CFAP92: variants seen among roughly 807,000 people sequenced by gnomAD.
CFAP92 encodes the protein uncharacterized protein CFAP92.
In CFAP92, 86 loss-of-function variants were observed where a neutral mutation model predicts 106.3. The ratio of observed to expected loss-of-function variants is 0.81; its 90% CI spans 0.68 to 0.97. The LOEUF (loss-of-function observed/expected upper bound fraction) is 0.97. Ranked by LOEUF, CFAP92 falls within the 50% of genes least tolerant of loss-of-function variation. CFAP92 has a pLI of 0.00. For missense variants in CFAP92, 1,204 were observed against 1,283.8 expected (o/e 0.94, Z 0.95); for synonymous variants, 477 against 506.4 (o/e 0.94, Z 0.78).
chr3:129,001,838 C>G (rs1323088349), intron 1 of CFAP92: 1 of 1,545,590 alleles, frequency 6.5e-7, no homozygotes, highest in Non-Finnish European at 8.7e-7. Flanking sequence ...ACTGCCGCGG[C>G]GCCGGCCGTC....
chr3:128,965,748 C>T (rs72977157), intron 8 of CFAP92, 53 bp from the exon 9 acceptor site: 15,744 of 397,224 alleles, frequency 0.04, 1,280 homozygotes, highest in African/African-American at 0.22. Context: ...CCCCAAGACA[C>T]GCACAGAGGG....
the CFAP92 span, among the ~76,000 whole-genome samples, chr3:129,024,909 CGAAGA>C: frequency 3.3e-5 from 5 of 152,038 alleles, no homozygotes; most frequent in Admixed American, 3.3e-4. Flanking sequence ...GGTGGGAGAA[CGAAGA>C]ACCAGGAGGA....
rs1936080868 is a variant in CFAP92, at chr3:128,909,957, G to A, written c.*342C>T. On this transcript the variant is annotated 3_prime_UTR_variant, in exon 16 of 16. Coordinates refer to ENST00000645291, the MANE Select transcript of CFAP92 (RefSeq NM_001394090.1). ...TAAGACAGGCAAAGATGCAGCCCAG[G>A]GAGGGACCATGTGGGGGACTGGTCT... 1 of 1,598,032 alleles carries A rather than the reference G, an allele frequency of 6.3e-7. No individual in the cohort carries two copies.
intron 6 of CFAP92, among the ~76,000 whole-genome samples, chr3:128,976,398 A>C (rs1005293373): frequency 2.6e-5 from 4 of 152,202 alleles, no homozygotes; most frequent in Non-Finnish European, 2.9e-5. Flanking sequence ...TAAAAATGTC[A>C]ATTCTTCCCA....
chr3:129,014,454 TC>T, the CFAP92 span, among the ~76,000 whole-genome samples: 2 of 152,232 alleles, frequency 1.3e-5, no homozygotes, highest in Non-Finnish European at 2.9e-5. This position sits in a 1 kb window ranked among gnomAD's most constrained non-coding sequence, Gnocchi z 4.3. Flanking sequence ...CCCTGTATCC[TC>T]GCGTGGTCTT....
intron 12 of CFAP92, among the ~76,000 whole-genome samples, chr3:128,921,518 A>G (rs1937280177): frequency 6.6e-6 from 1 of 152,258 alleles, no homozygotes; most frequent in Non-Finnish European, 1.5e-5. Flanking sequence ...CTAATCTTTT[A>G]GCTCAGGCTA....
chr3:128,916,122 A>C lies in CFAP92; in HGVS notation c.2901T>G (p.Tyr967Ter). 8.1e-7 allele frequency: 1 copy of C among 1,232,232 alleles called. No homozygotes were observed. Among genetic ancestry groups the C allele is most frequent in the Non-Finnish European group, 1.0e-6 (1 of 988,062 alleles). 76.3% of individuals were successfully genotyped at this position (1,232,232 alleles called of 1,614,324 possible). ...NSTELAKKEL[Y>*]QEIAKEPRKR... ...GGTCTCTCACCTTGGCTATCTCTTG[A>C]TACAGCTCCTTCTTGGCAAGCTCTG... is the stretch of plus-strand genomic sequence containing the variant. The change falls in exon 13 of 16, where the codon TAT (tyrosine) becomes TAG (stop). Residue 967 changes from tyrosine (Y) to a stop codon, truncating the protein, a stop_gained. Transcript: ENST00000645291. LOFTEE classifies it high-confidence loss of function.
In CFAP92 at chr3:128,945,843, T is replaced by C; in HGVS notation, c.1486A>G (p.Ser496Gly). The C allele has an allele frequency of 4.0e-6, 6 of 1,506,642 alleles. No homozygotes were observed. Among genetic ancestry groups the C allele is most frequent in the Non-Finnish European group, 5.3e-6 (6 of 1,134,576 alleles). 93.3% of individuals were successfully genotyped at this position (1,506,642 alleles called of 1,614,324 possible). The change falls in exon 10 of 16, where the codon AGT (serine) becomes GGT (glycine). Residue 496 changes from serine to glycine, a missense_variant. Physicochemically the swap from Ser to Gly is moderately conservative, Grantham distance 56. Coordinates refer to ENST00000645291, the MANE Select transcript of CFAP92 (RefSeq NM_001394090.1). Reference protein sequence around the residue: ...NVIFLGALHPSDLREYLEGPP... With the variant: ...NVIFLGALHPGDLREYLEGPP... The stretch of plus-strand genomic sequence containing the variant: ...CCCTCCAGGTATTCCCTTAGGTCAC[T>C]GGGGTGCAGTGCCCCAAGGAAGATG...
chr3:128,990,041 T>A (rs2107819552), intron 2 of CFAP92, among the ~76,000 whole-genome samples: 1 of 152,370 alleles, frequency 6.6e-6, no homozygotes, highest in South Asian at 2.1e-4. Flanking sequence ...AGTGCCCACA[T>A]ATATGCACAA....
intron 12 of CFAP92, among the ~76,000 whole-genome samples, chr3:128,932,378 T>TACACACACACACACACAC (rs112536236): frequency 2.2e-4 from 33 of 147,590 alleles, no homozygotes; most frequent in African/African-American, 7.0e-4. Flanking sequence ...AGCAACATGT[T>TACACACACACACACACAC]ACACACACAC....
At chr3:129,002,429 A>T in intron 1 of CFAP92, 3 of 1,417,644 alleles carry the variant, frequency 2.1e-6, no homozygotes, top group Non-Finnish European at 2.7e-6. Flanking sequence ...GGAAGGGGAG[A>T]CAGAGGGCAG....
At position 128,963,614 on chromosome 3, in the gene CFAP92, C is replaced by G. The variant is rs1362412067; in HGVS notation, c.1353+1897G>C. ...CTCTCTGATCCACCTGATATTCACC[C>G]CATTTCCCCATATTTCCTTCTTTCC... On this transcript the variant is annotated intron_variant, in intron 9 of 15. Coordinates refer to ENST00000645291, the MANE Select transcript of CFAP92 (RefSeq NM_001394090.1). Among the ~76,000 whole-genome samples, 2 of 151,088 alleles carry G rather than the reference C, an allele frequency of 1.3e-5. 1 individual carries two copies. Among genetic ancestry groups the G allele is most frequent in the Non-Finnish European group, 2.9e-5 (2 of 67,910 alleles).
At chr3:129,002,671 C>T (rs1173620260) in exon 1 of CFAP92, 1 of 312,570 alleles carries the variant, frequency 3.2e-6, no homozygotes, top group Non-Finnish European at 5.8e-6. Flanking sequence ...TTTCAACAAG[C>T]ATCTTTCTCT....
chr3:128,933,062 C>A, intron 11 of CFAP92, 65 bp from the exon 12 acceptor site: 1 of 1,409,746 alleles, frequency 7.1e-7, no homozygotes, highest in South Asian at 1.2e-5. Context: ...TAATCACTCC[C>A]ATCCTACAGC....
intron 12 of CFAP92, among the ~76,000 whole-genome samples, chr3:128,924,996 T>C (rs1937557695): frequency 6.6e-6 from 1 of 152,220 alleles, no homozygotes; most frequent in Non-Finnish European, 1.5e-5. Context: ...CTTTATGCAC[T>C]CTTAACTTGT....
At chr3:128,911,181 C>T (rs569400549) in intron 15 of CFAP92, among the ~76,000 whole-genome samples, 4 of 152,018 alleles carry the variant, frequency 2.6e-5, no homozygotes, top group South Asian at 2.1e-4. Context: ...CCCAGCCTCC[C>T]GAGTAGCTGG....
At chr3:129,001,971 G>A in intron 1 of CFAP92, 2 of 1,544,692 alleles carry the variant, frequency 1.3e-6, no homozygotes, top group East Asian at 2.5e-5. Flanking sequence ...GGATGCGGCC[G>A]CTGAGTTGGC....
chr3:129,014,058 T>G, the CFAP92 span, among the ~76,000 whole-genome samples: 1 of 152,230 alleles, frequency 6.6e-6, no homozygotes, highest in Admixed American at 6.5e-5. This position sits in a 1 kb window ranked among gnomAD's most constrained non-coding sequence, Gnocchi z 4.3. Context: ...AGACAGAGTC[T>G]TCAGGCTCTT....
At position 128,910,312 on chromosome 3, in the gene CFAP92, C is replaced by T. The variant is rs1458256266; in HGVS notation, c.3302G>A (p.Ser1101Asn). ...PVTVRKKKGN[S>N]PIS ...GGTCTGTGCTGCTCAGGAGATGGGGCTGTTCCCTTTCTTCTTCCTGACTGA... is the reference window on the plus strand; with the variant it reads ...GGTCTGTGCTGCTCAGGAGATGGGGTTGTTCCCTTTCTTCTTCCTGACTGA... Residue 1101 changes from serine (S) to asparagine (N), a missense_variant, in exon 16 of 16, where the codon AGC becomes AAC. By Grantham distance (46) the Ser-to-Asn change is conservative. Coordinates refer to ENST00000645291, the MANE Select transcript of CFAP92 (RefSeq NM_001394090.1). The T allele has an allele frequency of 4.7e-6, 7 of 1,486,534 alleles. No individual in the cohort carries two copies. In the South Asian group the frequency reaches 8.0e-5, roughly 17 times the overall value. 92.1% of individuals were successfully genotyped at this position (1,486,534 alleles called of 1,614,324 possible). A position where few individuals can be genotyped will look rare whatever the true frequency, so the allele number is the denominator to read the frequency against.
Sources: gnomAD v4.1 joint callset for allele counts (sites outside exome capture counted in the v4.1 genomes callset) on GRCh38, gnomAD v4.1.1 for gene constraint, Gnocchi (gnomAD v3.1) non-coding constraint, MANE v1.5 for transcripts, NCBI Gene and HGNC (gene_info 2026-07-23, HGNC 2026-07-21) for gene names.